The following RBM28 variants were observed in gnomAD, a reference collection of about 807,000 sequenced individuals.
The protein encoded by RBM28 is RNA binding motif protein 28.
A neutral mutation model predicts 98.3 loss-of-function variants in RBM28; 78 were observed. The observed-to-expected ratio is 0.79, with a 90% CI of 0.66 to 0.96. The LOEUF (loss-of-function observed/expected upper bound fraction) is 0.96, where lower values mean the gene tolerates loss of function less well. RBM28 is among the 40% of genes least tolerant of loss of function. The probability of loss-of-function intolerance (pLI) is 0.00; values close to 1 mark genes in which losing one functional copy is unlikely to be tolerated. For synonymous variants in RBM28, 306 were observed against 330.9 expected, an observed-to-expected ratio of 0.92 and a Z score of 0.82; for missense variants, 838 against 913.0, an observed-to-expected ratio of 0.92 and a Z score of 1.06.
At chr7:128,319,119 T>C (rs182773178) in intron 14 of RBM28, among the ~76,000 whole-genome samples, 75 of 152,346 alleles carry the variant, frequency 4.9e-4, no homozygotes, top group Non-Finnish European at 7.5e-4. Flanking sequence ...ACCAAAGCTG[T>C]CGTTCTCATG....
chr7:128,322,345 A>G (rs1241248473), intron 13 of RBM28, among the ~76,000 whole-genome samples: 1 of 152,236 alleles, frequency 6.6e-6, no homozygotes, highest in Non-Finnish European at 1.5e-5. Flanking sequence ...GTCTAAAATG[A>G]AATGAAAGAT....
At position 128,307,890 on chromosome 7, in the gene RBM28, C is replaced by CA. The variant is rs1562945159; in HGVS notation, c.*2906dup. ...TCGGTCTCAAACTCCTGACCTCAAG[C>CA]AATCCTCCCACCTCCCGAAGTGCTG... is the stretch of plus-strand genomic sequence containing the variant. On this transcript the variant is annotated 3_prime_UTR_variant, in exon 19 of 19. Transcript: ENST00000223073. 6.6e-6 allele frequency: 1 copy of CA among 152,166 alleles called. No individual in the cohort carries two copies. The highest frequency in any genetic ancestry group is 2.4e-5 in the African/African-American group (1 of 41,448). 9.4% of individuals were successfully genotyped at this position (152,166 alleles called of 1,614,324 possible).
Position 128,310,730 on chromosome 7 carries a change from G to A in RBM28, c.*67C>T. On this transcript the variant is annotated 3_prime_UTR_variant, in exon 19 of 19. Coordinates refer to ENST00000223073, the MANE Select transcript of RBM28 (RefSeq NM_018077.3). Reference sequence around the variant, plus strand: ...TCCCTCAGTGAGAGACACGGGGGATGGGGAGGAGCCCAGGAGTGTCACCAG... The same window carrying A: ...TCCCTCAGTGAGAGACACGGGGGATAGGGAGGAGCCCAGGAGTGTCACCAG... The A allele has an allele frequency of 3.8e-6, 6 of 1,592,042 alleles. No homozygotes were observed. Among genetic ancestry groups the A allele is most frequent in the Non-Finnish European group, 5.2e-6 (6 of 1,164,872 alleles).
intron 17 of RBM28, 35 bp downstream of exon 17, chr7:128,314,729 C>T (rs1796068958): frequency 1.2e-6 from 2 of 1,613,950 alleles, no homozygotes; most frequent in Admixed American, 1.7e-5. Context: ...TAGAACCCAC[C>T]CACTGTTCTG....
Position 128,314,908 on chromosome 7 carries a change from A to C in RBM28, c.1901T>G (p.Val634Gly). 2 of 1,613,956 alleles carry C rather than the reference A, an allele frequency of 1.2e-6. No individual in the cohort carries two copies. The highest frequency in any genetic ancestry group is 1.7e-6 in the Non-Finnish European group (2 of 1,179,990). ...CGCCTTTCTCTTCTGCTCTGGGGGC[A>C]CCTTGCTTTGTTCCTCTGTGTGGTG... ...AQHHTEEQSK[V>G]PPEQKRKAGS... The change falls in exon 17 of 19, where the codon GTG (valine) becomes GGG (glycine). Residue 634 changes from valine (V) to glycine (G), a missense_variant. Physicochemically the swap from Val to Gly is moderately radical, Grantham distance 109 (BLOSUM62 -3). Transcript: ENST00000223073.
intron 16 of RBM28, among the ~76,000 whole-genome samples, chr7:128,316,227 A>T (rs1404930173): frequency 6.6e-6 from 1 of 152,236 alleles, no homozygotes; most frequent in East Asian, 1.9e-4. Context: ...CAAAGTAAAA[A>T]AAACTACACA....
chr7:128,306,649 C>G lies in RBM28; in HGVS notation c.*4148G>C, dbSNP rs1795872793. ...CTGATAAAAGGCAGTGGGCTCTGGG[C>G]AGCATGGACAAGTTTAAGAAACACT... is the stretch of plus-strand genomic sequence containing the variant. On this transcript the variant is annotated 3_prime_UTR_variant, in exon 19 of 19. Coordinates refer to ENST00000223073, the MANE Select transcript of RBM28 (RefSeq NM_018077.3). 6.6e-6 allele frequency: 1 copy of G among 152,238 alleles called. No homozygotes were observed. Among genetic ancestry groups the G allele is most frequent in the Non-Finnish European group, 1.5e-5 (1 of 68,062 alleles). The allele number at this position is 152,238 out of a possible 1,614,324, so 9.4% of individuals were successfully genotyped here. A position where few individuals can be genotyped will look rare whatever the true frequency, so the allele number is the denominator to read the frequency against.
At chr7:128,316,495 G>A (rs947739276) in intron 16 of RBM28, among the ~76,000 whole-genome samples, 1 of 152,330 alleles carries the variant, frequency 6.6e-6, no homozygotes, top group Non-Finnish European at 1.5e-5. Context: ...TGGATCACTT[G>A]AAGTCAGGAG....
intron 16 of RBM28, among the ~76,000 whole-genome samples, chr7:128,315,573 C>A (rs995745656): frequency 9.9e-5 from 15 of 152,160 alleles, no homozygotes; most frequent in Admixed American, 7.9e-4. Flanking sequence ...GAGATTACAT[C>A]AAATCTCTCT....
At chr7:128,335,749 C>T in intron 7 of RBM28, 70 bp from the exon 8 acceptor site, 6 of 1,613,106 alleles carry the variant, frequency 3.7e-6, no homozygotes. Flanking sequence ...TTACACATGT[C>T]AATTCTGCAA....
chr7:128,335,543 C>T lies in RBM28; in HGVS notation c.946G>A (p.Ala316Thr). 2 of 1,614,100 alleles carry T rather than the reference C, an allele frequency of 1.2e-6. No homozygotes were observed. The highest frequency in any genetic ancestry group is 1.7e-6 in the Non-Finnish European group (2 of 1,180,014). Residue 316 changes from alanine (A) to threonine (T), a missense_variant and splice_region_variant, in exon 8 of 19, where the codon GCT becomes ACT. Transcript: ENST00000223073. ...DTSTEEQEDK[A>T]VQVSNKKKRK... ...GACATTTATGAAAATCCAAACAAAC[C>T]TTTATCCTCTTGCTCCTCAGTGCTG... is the stretch of plus-strand genomic sequence containing the variant.
rs1795924151 is a variant in RBM28, at chr7:128,309,038, A to T, written c.*1759T>A. ...TCAGCAATGGTTCTGTCAAAGCATT[A>T]TTTGTAACACTCAACTAGACTAAGC... On this transcript the variant is annotated 3_prime_UTR_variant, in exon 19 of 19. Coordinates refer to ENST00000223073, the MANE Select transcript of RBM28 (RefSeq NM_018077.3). 6.6e-6 allele frequency: 1 copy of T among 151,986 alleles called. No individual in the cohort carries two copies. The highest frequency in any genetic ancestry group is 2.4e-5 in the African/African-American group (1 of 41,386). 9.4% of individuals were successfully genotyped at this position (151,986 alleles called of 1,614,324 possible).
chr7:128,314,751 T>G lies in RBM28; in HGVS notation c.2045+13A>C. 1 of 1,614,222 alleles carries G rather than the reference T, an allele frequency of 6.2e-7. No homozygotes were observed. The highest frequency in any genetic ancestry group is 8.5e-7 in the Non-Finnish European group (1 of 1,180,032). On this transcript the variant is annotated intron_variant, in intron 17 of 18. Transcript: ENST00000223073. ...CACCCACTGTTCTGTGCTTCTGCCC[T>G]CCTGCATCTCACCTGATTTTGGGGC...
rs766082233 is a variant in RBM28 at position 128,321,283 on chromosome 7, CT to C, written c.1545del (p.Val517CysfsTer8). ...KLLLSATSGE[K>X]GVRIKECRVM... ...CGTCTCACCTCCTTGATGCGCACCC[CT>C]TTCTCTCCACTAGTAGCACTCAGCA... On this transcript the variant is annotated frameshift_variant, in exon 14 of 19. Coordinates refer to ENST00000223073, the MANE Select transcript of RBM28 (RefSeq NM_018077.3). LOFTEE classifies it high-confidence loss of function. 43 of 1,614,098 alleles carry C rather than the reference CT, an allele frequency of 2.7e-5. No individual in the cohort carries two copies. The highest frequency in any genetic ancestry group is 3.5e-5 in the Non-Finnish European group (41 of 1,180,036).
chr7:128,328,155 T>A lies in RBM28; in HGVS notation c.1130-2264A>T, dbSNP rs183387007. On this transcript the variant is annotated intron_variant, in intron 10 of 18. Transcript: ENST00000223073. ...TCAGGAAAAATGACCACAATTCTTA[T>A]CTGTTTCTATATCCCTAGCACCTAC... Among the ~76,000 whole-genome samples, 1,000 of 152,336 alleles carry A rather than the reference T, an allele frequency of 6.6e-3. 11 individuals carry two copies. The highest frequency in any genetic ancestry group is 0.023 in the African/African-American group (942 of 41,586).
rs1382521738 is a variant in RBM28 at position 128,335,572 on chromosome 7, T to C, written c.917A>G (p.Asp306Gly). 8.7e-6 allele frequency: 14 copies of C among 1,614,102 alleles called. No individual in the cohort carries two copies. The highest frequency in any genetic ancestry group is 1.6e-4 in the Middle Eastern group (1 of 6,084). ...IDDGEELAQS[D>G]TSTEEQEDKA... ...ATCCTCTTGCTCCTCAGTGCTGGTA[T>C]CACTCTGAGCCAGTTCCTCTCCATC... Residue 306 changes from aspartate (D) to glycine (G), a missense_variant, in exon 8 of 19, where the codon GAT becomes GGT. Transcript: ENST00000223073.
In RBM28 at chr7:128,343,619, G is replaced by A; in HGVS notation, c.118+57C>T. ...AATGATACGGCTCCCTGAAGTTTGG[G>A]AAGGTGCCCTCGATCGCAGGAAACC... On this transcript the variant is annotated intron_variant, in intron 1 of 18. Coordinates refer to ENST00000223073, the MANE Select transcript of RBM28 (RefSeq NM_018077.3). 3.0e-6 allele frequency: 4 copies of A among 1,315,420 alleles called. No homozygotes were observed. In the South Asian group the frequency reaches 5.2e-5, roughly 17 times the overall value. The allele number at this position is 1,315,420 out of a possible 1,614,324, so 81.5% of individuals were successfully genotyped here.
At position 128,315,742 on chromosome 7, in the gene RBM28, AT is replaced by A. The variant is rs142724317; in HGVS notation, c.1789-723del. On this transcript the variant is annotated intron_variant, in intron 16 of 18. Transcript: ENST00000223073. ...AAAAATCACCAACCTACAATCCTGT[AT>A]CCGATAAACTTATCCTTCAAAAGTG... 6.7e-3 allele frequency among the ~76,000 whole-genome samples: 1,026 copies of A among 152,358 alleles called. 9 individuals are homozygous for A. The highest frequency in any genetic ancestry group is 0.024 in the African/African-American group (978 of 41,582).
chr7:128,316,692 G>A (rs1225896596), intron 16 of RBM28, among the ~76,000 whole-genome samples: 5 of 152,160 alleles, frequency 3.3e-5, no homozygotes, highest in African/African-American at 9.7e-5. Flanking sequence ...CAAACTGAGC[G>A]ACACAGCAAG....
Sources: gnomAD v4.1 joint callset for allele counts (sites outside exome capture counted in the v4.1 genomes callset) on GRCh38, gnomAD v4.1.1 for gene constraint, MANE v1.5 for transcripts, NCBI Gene and HGNC (gene_info 2026-07-23, HGNC 2026-07-21) for gene names.